Variants in EBF2 observed in about 807,000 individuals in gnomAD.
EBF2 encodes EBF transcription factor 2, also known as transcription factor COE2.
Under a neutral mutation model 72.8 loss-of-function variants are expected in EBF2, and 21 were observed. That is an observed-to-expected ratio of 0.29 (90% CI 0.20 to 0.42). The LOEUF (loss-of-function observed/expected upper bound fraction) is 0.42, where lower values mean the gene tolerates loss of function less well. Ranked by LOEUF, EBF2 falls within the 10% of genes least tolerant of loss-of-function variation. EBF2 has a pLI of 1.00. For synonymous variants in EBF2, 299 were observed against 274.2 expected, an observed-to-expected ratio of 1.09 and a Z score of -0.89; for missense variants, 637 against 731.2, an observed-to-expected ratio of 0.87 and a Z score of 1.49.
At chr8:26,027,800 G>T (rs1805324184) in intron 6 of EBF2, among the ~76,000 whole-genome samples, 1 of 152,106 alleles carries the variant, frequency 6.6e-6, no homozygotes, top group Non-Finnish European at 1.5e-5. Flanking sequence ...AGGATATTCT[G>T]ACACATGCTA....
chr8:25,950,742 T>C (rs1302221615), intron 6 of EBF2, among the ~76,000 whole-genome samples: 1 of 152,228 alleles, frequency 6.6e-6, no homozygotes, highest in Admixed American at 6.5e-5. Flanking sequence ...ATCTTTGGGT[T>C]TGGGCAAACT....
intron 14 of EBF2, among the ~76,000 whole-genome samples, chr8:25,856,808 C>T (rs1802103978): frequency 6.6e-6 from 1 of 152,188 alleles, no homozygotes; most frequent in African/African-American, 2.4e-5. Context: ...AATGTGTGGA[C>T]ATAAAATCTT....
intron 6 of EBF2, among the ~76,000 whole-genome samples, chr8:26,030,604 C>G (rs776576567): frequency 6.6e-5 from 10 of 151,514 alleles, no homozygotes; most frequent in Non-Finnish European, 1.2e-4. Flanking sequence ...GCAAGCCAAA[C>G]AAATGGATCT....
In EBF2 at chr8:25,850,636, G is replaced by C. The variant is rs2117247270; in HGVS notation, c.1654C>G (p.Pro552Ala). 6.4e-7 allele frequency: 1 copy of C among 1,566,138 alleles called. No individual in the cohort carries two copies. The highest frequency in any genetic ancestry group is 1.4e-5 in the African/African-American group (1 of 70,802). The part of the protein sequence containing the change: ...FAPVIRPQGS[P>A]SPACSSGNGN... ...TTGCCGCTGGAGCAGGCAGGTGAAG[G>C]GGAGCCTTGGGGCCTGATGACAGGG... Residue 552 changes from proline (P) to alanine (A), a missense_variant, in exon 15 of 16, where the codon CCT (proline) becomes GCT (alanine). By Grantham distance (27) the Pro-to-Ala change is conservative. This residue lies in a region of EBF2 where 259 missense variants were observed against 268.1 expected (regional missense o/e 0.97). Coordinates refer to ENST00000520164, the MANE Select transcript of EBF2 (RefSeq NM_022659.4).
intron 6 of EBF2, among the ~76,000 whole-genome samples, chr8:25,929,868 AAG>A (rs1300857484): frequency 6.6e-6 from 1 of 152,132 alleles, no homozygotes. Flanking sequence ...GTTTACACAC[AAG>A]AGAGGGGGAA....
intron 10 of EBF2, among the ~76,000 whole-genome samples, chr8:25,883,738 G>A (rs1433263962): frequency 6.6e-6 from 1 of 152,092 alleles, no homozygotes; most frequent in Non-Finnish European, 1.5e-5. Context: ...TGGCTGCAAT[G>A]TGTTTGTTAT....
intron 10 of EBF2, among the ~76,000 whole-genome samples, chr8:25,882,229 G>A (rs1019126800): frequency 5.3e-5 from 8 of 152,168 alleles, no homozygotes; most frequent in Non-Finnish European, 1.0e-4. Flanking sequence ...CCGTCTGCAT[G>A]CTCCCCTAGA....
chr8:26,005,542 TTA>T (rs753242991), intron 6 of EBF2, among the ~76,000 whole-genome samples: 3,629 of 40,172 alleles, frequency 0.09, 273 homozygotes, highest in East Asian at 0.37. Context: ...TATATATATT[TTA>T]TATATATATA....
At chr8:25,898,026 A>G (rs946741185) in intron 7 of EBF2, among the ~76,000 whole-genome samples, 1 of 152,192 alleles carries the variant, frequency 6.6e-6, no homozygotes, top group Middle Eastern at 3.2e-3. Context: ...GCTACATGCA[A>G]TGGAAGTTTA....
chr8:25,935,187 G>A (rs1327413633), intron 6 of EBF2, among the ~76,000 whole-genome samples: 1 of 152,142 alleles, frequency 6.6e-6, no homozygotes, highest in Non-Finnish European at 1.5e-5. Context: ...AGCGATGGAG[G>A]GGGAAGTGGG....
At chr8:26,024,553 T>C (rs924517621) in intron 6 of EBF2, among the ~76,000 whole-genome samples, 2 of 152,188 alleles carry the variant, frequency 1.3e-5, no homozygotes, top group Non-Finnish European at 2.9e-5. Context: ...TGTACCTATC[T>C]GCCACTGGAC....
chr8:25,875,531 G>C (rs1351576172), intron 10 of EBF2, among the ~76,000 whole-genome samples: 2 of 152,186 alleles, frequency 1.3e-5, no homozygotes, highest in Non-Finnish European at 2.9e-5. Flanking sequence ...GTTATTTGTA[G>C]AGAGGATAAT....
In EBF2 at chr8:25,844,478, C is replaced by T; in HGVS notation, c.*131G>A. The T allele has an allele frequency of 9.8e-7, 1 of 1,023,122 alleles. No individual in the cohort carries two copies. Among genetic ancestry groups the T allele is most frequent in the Non-Finnish European group, 1.5e-6 (1 of 671,606 alleles). The allele number at this position is 1,023,122 out of a possible 1,614,324, so 63.4% of individuals were successfully genotyped here. A position where few individuals can be genotyped will look rare whatever the true frequency, so the allele number is the denominator to read the frequency against. The stretch of plus-strand genomic sequence containing the variant: ...GTGGGACCAAGTAAGATGCTGGCTC[C>T]TTGCAGACCCAAGGGTGTCCATCAT... On this transcript the variant is annotated 3_prime_UTR_variant, in exon 16 of 16. Transcript: ENST00000520164.
At chr8:25,870,929 T>C (rs1364068583) in intron 10 of EBF2, among the ~76,000 whole-genome samples, 1 of 151,878 alleles carries the variant, frequency 6.6e-6, no homozygotes, top group Non-Finnish European at 1.5e-5. Context: ...ACAGGGAAAA[T>C]CACACTCACA....
chr8:25,988,579 A>T (rs1804497777), intron 6 of EBF2, among the ~76,000 whole-genome samples: 1 of 152,224 alleles, frequency 6.6e-6, no homozygotes, highest in African/African-American at 2.4e-5. Context: ...TTTATTGAAT[A>T]ACTTCCATGT....
intron 6 of EBF2, among the ~76,000 whole-genome samples, chr8:25,998,031 CT>C (rs1226685669): frequency 6.6e-6 from 1 of 152,086 alleles, no homozygotes; most frequent in African/African-American, 2.4e-5. Context: ...TAACTTATCC[CT>C]CTTGCTCTTT....
intron 6 of EBF2, among the ~76,000 whole-genome samples, chr8:25,929,820 A>C (rs1225799272): frequency 6.6e-6 from 1 of 152,086 alleles, no homozygotes; most frequent in Non-Finnish European, 1.5e-5. Flanking sequence ...TCCGGGTATC[A>C]GTGGGAAAAT....
In EBF2 at chr8:25,994,653, T is replaced by A. The variant is rs565943039; in HGVS notation, c.551+38432A>T. ...TCTTTTGCAACAATGTGGATACAGC[T>A]GGAGGCCATTATTCTAAGTGAATTA... is the stretch of plus-strand genomic sequence containing the variant. On this transcript the variant is annotated intron_variant, in intron 6 of 15. Transcript: ENST00000520164. Among the ~76,000 whole-genome samples, 4 of 152,324 alleles carry A rather than the reference T, an allele frequency of 2.6e-5. No homozygotes were observed. In the East Asian group the frequency reaches 7.7e-4, roughly 29 times the overall value.
intron 14 of EBF2, among the ~76,000 whole-genome samples, chr8:25,851,497 T>A (rs1801972340): frequency 6.6e-6 from 1 of 152,172 alleles, no homozygotes. Flanking sequence ...GCAATTTACA[T>A]AATGAAGTAC....
Sources: gnomAD v4.1 joint callset for allele counts (sites outside exome capture counted in the v4.1 genomes callset) on GRCh38, gnomAD v4.1.1 for gene constraint, gnomAD v4.1.1 regional missense constraint, MANE v1.5 for transcripts, NCBI Gene and HGNC (gene_info 2026-07-23, HGNC 2026-07-21) for gene names.